Variants in VPS35L observed in about 807,000 individuals in gnomAD.
The protein encoded by VPS35L is VPS35 endosomal protein sorting factor like, also known as VPS35 endosomal protein-sorting factor-like.
A neutral mutation model predicts 133.0 loss-of-function variants in VPS35L; 83 were observed. That is an observed-to-expected ratio of 0.62 (90% CI 0.52 to 0.75). The LOEUF is 0.75. Ranked by LOEUF, VPS35L falls within the 30% of genes least tolerant of loss-of-function variation. VPS35L has a pLI of 0.00. For synonymous variants in VPS35L, 423 were observed against 449.9 expected (o/e 0.94, Z 0.76); for missense variants, 1,083 against 1,206.8 (o/e 0.90, Z 1.52).
chr16:19,632,282 A>T (rs1973481188), intron 18 of VPS35L, among the ~76,000 whole-genome samples: 1 of 152,166 alleles, frequency 6.6e-6, no homozygotes, highest in African/African-American at 2.4e-5. Flanking sequence ...ATTATTTAAT[A>T]TCATCAGTAC....
chr16:19,619,416 G>C (rs1973005582), intron 14 of VPS35L, among the ~76,000 whole-genome samples: 1 of 152,060 alleles, frequency 6.6e-6, no homozygotes. Context: ...TTTTGCTGCT[G>C]GTTCTCTATG....
intron 6 of VPS35L, among the ~76,000 whole-genome samples, chr16:19,580,898 G>A (rs1971687930): frequency 6.6e-6 from 1 of 152,114 alleles, no homozygotes; most frequent in African/African-American, 2.4e-5. Context: ...TTCCTCAGTT[G>A]GTTCCTGTCA....
chr16:19,670,303 A>G (rs1310158970), intron 27 of VPS35L, among the ~76,000 whole-genome samples: 6 of 152,178 alleles, frequency 3.9e-5, no homozygotes, highest in Non-Finnish European at 7.4e-5. Context: ...TGCACTCTCT[A>G]TACTGCCAAG....
At chr16:19,673,568 TTTATTATTCCTTGAACAGATTTGCG>T (rs986751071) in intron 27 of VPS35L, among the ~76,000 whole-genome samples, 5 of 95,300 alleles carry the variant, frequency 5.2e-5, no homozygotes, top group Non-Finnish European at 8.4e-5. Flanking sequence ...CTTGAACAGA[TTTATTATTCCTTGAACAGATTTGCG>T]TTATTATTCC....
chr16:19,616,177 C>T lies in VPS35L; in HGVS notation c.1087C>T (p.Leu363Phe). The T allele has an allele frequency of 6.2e-7, 1 of 1,611,472 alleles. No individual in the cohort carries two copies. The highest frequency in any genetic ancestry group is 8.5e-7 in the Non-Finnish European group (1 of 1,177,928). ...AAATAAGAACTTTTTTGACTTCCTC[C>T]TTACGTTCAAACAGGTAAGAGAACA... ...TLNKNFFDFL[L>F]TFKQIHGDTV... Residue 363 changes from leucine (L) to phenylalanine (F), a missense_variant, in exon 13 of 31, where the codon CTT (leucine) becomes TTT (phenylalanine). Transcript: ENST00000417362.
chr16:19,576,880 T>C (rs1567394240), intron 5 of VPS35L, among the ~76,000 whole-genome samples: 1 of 152,156 alleles, frequency 6.6e-6, no homozygotes, highest in Non-Finnish European at 1.5e-5. Flanking sequence ...CTAATTTTTG[T>C]ATTTTTAATA....
In VPS35L at chr16:19,562,379, A is replaced by G. The variant is rs567023777; in HGVS notation, c.18-2472A>G. Among the ~76,000 whole-genome samples the G allele has an allele frequency of 5.9e-5, 9 of 152,236 alleles. 1 individual carries two copies. The South Asian group carries it at 1.9e-3, about 32-fold the overall frequency. ...GTGCAAACACAAACATGGAAATCCAATAGCTGAGCACTAGCTGGGGAGAAC... is the reference window on the plus strand; with the variant it reads ...GTGCAAACACAAACATGGAAATCCAGTAGCTGAGCACTAGCTGGGGAGAAC... On this transcript the variant is annotated intron_variant, in intron 1 of 30. Coordinates refer to ENST00000417362, the MANE Select transcript of VPS35L (RefSeq NM_020314.7).
At chr16:19,684,690 G>C (rs756900597) in intron 28 of VPS35L, among the ~76,000 whole-genome samples, 2 of 152,170 alleles carry the variant, frequency 1.3e-5, no homozygotes, top group East Asian at 1.9e-4. Flanking sequence ...CAGGGCTTCC[G>C]GTAGTTAGTG....
intron 26 of VPS35L, among the ~76,000 whole-genome samples, chr16:19,656,135 A>G (rs57757272): frequency 0.071 from 10,723 of 151,214 alleles, 1,003 homozygotes; most frequent in African/African-American, 0.21. Flanking sequence ...GTGGTGGTGT[A>G]CTCCTGTAAT....
intron 21 of VPS35L, among the ~76,000 whole-genome samples, chr16:19,641,734 G>T (rs1024024209): frequency 6.6e-6 from 1 of 151,994 alleles, no homozygotes; most frequent in East Asian, 1.9e-4. Context: ...GGCAAAATTC[G>T]CCTGTTAAGA....
Position 19,565,215 on chromosome 16 carries a change from G to C in VPS35L, c.117+265G>C, listed in dbSNP as rs534810750. Among the ~76,000 whole-genome samples the C allele has an allele frequency of 2.2e-3, 329 of 151,902 alleles. 1 individual carries two copies. The highest frequency in any genetic ancestry group is 7.1e-3 in the African/African-American group (292 of 41,398). ...CTATAGGCACACGCCACCATGCCTG[G>C]CTAAGTTTTTGTGTTTTTTTAGTAG... On this transcript the variant is annotated intron_variant, in intron 2 of 30. Transcript: ENST00000417362.
intron 1 of VPS35L, among the ~76,000 whole-genome samples, chr16:19,558,291 A>G (rs1970923550): frequency 6.6e-6 from 1 of 152,250 alleles, no homozygotes; most frequent in Admixed American, 6.5e-5. Context: ...AGGTTCTTAT[A>G]ACAACCCCAT....
intron 8 of VPS35L, among the ~76,000 whole-genome samples, chr16:19,595,288 G>T (rs56992454): frequency 6.6e-6 from 1 of 152,118 alleles, no homozygotes; most frequent in South Asian, 2.1e-4. Context: ...CAGCACTTGC[G>T]GTGAGAGGCA....
At chr16:19,672,086 C>T (rs1028087415) in intron 27 of VPS35L, among the ~76,000 whole-genome samples, 1 of 152,132 alleles carries the variant, frequency 6.6e-6, no homozygotes, top group Admixed American at 6.6e-5. Context: ...GCTGGGCCAA[C>T]AGGCATGTGC....
At chr16:19,562,087 A>C (rs1179813302) in intron 1 of VPS35L, among the ~76,000 whole-genome samples, 1 of 152,140 alleles carries the variant, frequency 6.6e-6, no homozygotes, top group Non-Finnish European at 1.5e-5. Context: ...TGAGACTCTT[A>C]TGTCAAACAA....
intron 28 of VPS35L, among the ~76,000 whole-genome samples, chr16:19,686,816 G>A (rs926246485): frequency 2.0e-5 from 3 of 152,128 alleles, no homozygotes; most frequent in Admixed American, 6.5e-5. Flanking sequence ...TTCTGCTAGC[G>A]AATTCCACCT....
At chr16:19,591,051 G>A (rs1054344047) in intron 7 of VPS35L, among the ~76,000 whole-genome samples, 6 of 152,122 alleles carry the variant, frequency 3.9e-5, no homozygotes, top group Admixed American at 6.6e-5. Flanking sequence ...GCAATTCCCC[G>A]CAAAGCTGAA....
At chr16:19,695,243 G>A (rs575229968) in intron 29 of VPS35L, among the ~76,000 whole-genome samples, 1 of 152,306 alleles carries the variant, frequency 6.6e-6, no homozygotes, top group South Asian at 2.1e-4. Context: ...TCTTCATACC[G>A]AGGCAATAGG....
chr16:19,558,922 C>CAAA (rs11294761), intron 1 of VPS35L, among the ~76,000 whole-genome samples: 1 of 120,156 alleles, frequency 8.3e-6, no homozygotes, highest in Non-Finnish European at 1.8e-5. Flanking sequence ...GACTCCGTCT[C>CAAA]AAAAAAAAAA....
Sources: allele counts gnomAD v4.1 joint callset (sites outside exome capture counted in the v4.1 genomes callset), GRCh38; gene constraint gnomAD v4.1.1; transcripts MANE v1.5; gene names NCBI Gene and HGNC (gene_info 2026-07-23, HGNC 2026-07-21).